Variants in CDH12 observed in about 807,000 individuals in gnomAD.
CDH12 encodes the protein cadherin 12.
CDH12 carries 41 observed loss-of-function variants against 74.1 expected under a neutral mutation model. The ratio of observed to expected loss-of-function variants is 0.55; its 90% CI spans 0.43 to 0.72. CDH12 has a LOEUF of 0.72. Ranked by LOEUF, CDH12 falls within the 30% of genes least tolerant of loss-of-function variation. The pLI is 0.00. For synonymous variants in CDH12, 399 were observed against 355.0 expected, an observed-to-expected ratio of 1.12 and a Z score of -1.39; for missense variants, 945 against 977.2, an observed-to-expected ratio of 0.97 and a Z score of 0.44.
At chr5:22,085,380 T>C (rs548031054) in intron 4 of CDH12, among the ~76,000 whole-genome samples, 6 of 152,284 alleles carry the variant, frequency 3.9e-5, no homozygotes, top group African/African-American at 1.2e-4. Context: ...ATAAATTACA[T>C]TGAAAGGGTT....
chr5:22,219,312 C>A (rs999465510), intron 3 of CDH12, among the ~76,000 whole-genome samples: 1 of 151,558 alleles, frequency 6.6e-6, no homozygotes, highest in African/African-American at 2.4e-5. Context: ...CTAAACGGAT[C>A]TTCCTCTTAT....
intron 1 of CDH12, among the ~76,000 whole-genome samples, chr5:22,785,934 TATC>T (rs1352794347): frequency 6.6e-6 from 1 of 152,136 alleles, no homozygotes; most frequent in African/African-American, 2.4e-5. Context: ...AAGACAGAAA[TATC>T]ATTTGACTCA....
At chr5:22,191,342 A>T (rs1216263717) in intron 4 of CDH12, among the ~76,000 whole-genome samples, 1 of 152,052 alleles carries the variant, frequency 6.6e-6, no homozygotes, top group Non-Finnish European at 1.5e-5. Context: ...TTGTAGTTAT[A>T]TGAGCTTTTT....
At chr5:22,411,791 GA>G (rs1465665258) in intron 2 of CDH12, among the ~76,000 whole-genome samples, 1 of 151,874 alleles carries the variant, frequency 6.6e-6, no homozygotes, top group Non-Finnish European at 1.5e-5. Context: ...TAGCTTCCCG[GA>G]AAATAATCAT....
At chr5:22,519,531 C>G (rs1381704669) in intron 1 of CDH12, among the ~76,000 whole-genome samples, 1 of 151,220 alleles carries the variant, frequency 6.6e-6, no homozygotes, top group Non-Finnish European at 1.5e-5. Context: ...TCATGCCATT[C>G]TCCTGCCTCA....
At chr5:21,996,310 G>C (rs1736299723) in intron 5 of CDH12, among the ~76,000 whole-genome samples, 1 of 151,886 alleles carries the variant, frequency 6.6e-6, no homozygotes, top group South Asian at 2.1e-4. Flanking sequence ...CTTGTGATCA[G>C]GTATTGCAAA....
intron 3 of CDH12, among the ~76,000 whole-genome samples, chr5:22,367,164 T>G (rs973112528): frequency 5.9e-5 from 9 of 152,194 alleles, no homozygotes; most frequent in African/African-American, 2.2e-4. Context: ...GTTGAAATCT[T>G]ATTTTATCCT....
At chr5:22,078,887 CATTAA>C in intron 4 of CDH12, 25 bp from the exon 5 acceptor site, 3 of 1,226,214 alleles carry the variant, frequency 2.4e-6, no homozygotes, top group Non-Finnish European at 3.1e-6. Context: ...AACAAAGATA[CATTAA>C]ATTAATGAAA....
At chr5:21,957,783 T>G (rs1580016160) in intron 6 of CDH12, among the ~76,000 whole-genome samples, 1 of 152,200 alleles carries the variant, frequency 6.6e-6, no homozygotes, top group East Asian at 1.9e-4. Flanking sequence ...TCTTGTAAAT[T>G]TGTTTAAATT....
intron 3 of CDH12, among the ~76,000 whole-genome samples, chr5:22,252,213 A>G (rs914724576): frequency 2.0e-5 from 3 of 152,124 alleles, no homozygotes; most frequent in Non-Finnish European, 4.4e-5. Context: ...GGATTACTAT[A>G]ATAGTACTGT....
At chr5:22,708,074 C>G (rs965290363) in intron 1 of CDH12, among the ~76,000 whole-genome samples, 2 of 152,044 alleles carry the variant, frequency 1.3e-5, no homozygotes, top group Non-Finnish European at 2.9e-5. Flanking sequence ...AACACATAGC[C>G]CTCTTGTAAA....
intron 2 of CDH12, among the ~76,000 whole-genome samples, chr5:22,467,237 T>A (rs937127189): frequency 3.9e-5 from 6 of 152,154 alleles, no homozygotes; most frequent in Non-Finnish European, 8.8e-5. Flanking sequence ...TGAATTCTGT[T>A]AAAATTTTAA....
At chr5:21,983,741 CATATT>C (rs1757406142) in intron 5 of CDH12, among the ~76,000 whole-genome samples, 1 of 152,064 alleles carries the variant, frequency 6.6e-6, no homozygotes, top group Non-Finnish European at 1.5e-5. Context: ...ATATTTCACT[CATATT>C]ATTTATTGTC....
intron 4 of CDH12, among the ~76,000 whole-genome samples, chr5:22,190,708 A>G (rs1160902545): frequency 6.6e-6 from 1 of 152,152 alleles, no homozygotes; most frequent in African/African-American, 2.4e-5. Context: ...GTGCGAAAAG[A>G]CATCTAAAGC....
At chr5:22,467,729 C>T (rs141611089) in intron 2 of CDH12, among the ~76,000 whole-genome samples, 56 of 152,252 alleles carry the variant, frequency 3.7e-4, no homozygotes, top group African/African-American at 1.3e-3. Flanking sequence ...GTCTAAAGAA[C>T]ATCTAATGAC....
intron 1 of CDH12, among the ~76,000 whole-genome samples, chr5:22,740,085 A>T (rs544395423): frequency 6.6e-6 from 1 of 152,140 alleles, no homozygotes; most frequent in Non-Finnish European, 1.5e-5. Context: ...AAGTTCTTAC[A>T]TAATTGAATT....
At chr5:22,234,570 T>A (rs1177915483) in intron 3 of CDH12, among the ~76,000 whole-genome samples, 1 of 151,110 alleles carries the variant, frequency 6.6e-6, no homozygotes, top group Non-Finnish European at 1.5e-5. Flanking sequence ...TATGTGGGGT[T>A]TTTTTTGTTT....
At chr5:22,352,580 T>C (rs1740400876) in intron 3 of CDH12, among the ~76,000 whole-genome samples, 1 of 152,130 alleles carries the variant, frequency 6.6e-6, no homozygotes, top group Admixed American at 6.6e-5. Flanking sequence ...GACAACGTTA[T>C]AAATTTTACC....
At chr5:22,831,725 T>G (rs1045909386) in intron 1 of CDH12, among the ~76,000 whole-genome samples, 1 of 151,656 alleles carries the variant, frequency 6.6e-6, no homozygotes, top group Non-Finnish European at 1.5e-5. Flanking sequence ...TGAAACCCCG[T>G]CTCGACTAAA....
Sources: gnomAD v4.1 joint callset for allele counts (sites outside exome capture counted in the v4.1 genomes callset) on GRCh38, gnomAD v4.1.1 for gene constraint, MANE v1.5 for transcripts, NCBI Gene and HGNC (gene_info 2026-07-23, HGNC 2026-07-21) for gene names.